MEGF11: variants seen among roughly 807,000 people sequenced by gnomAD.
MEGF11 encodes the protein multiple epidermal growth factor-like domains protein 11.
Under a neutral mutation model 146.6 loss-of-function variants are expected in MEGF11, and 126 were observed. The ratio of observed to expected loss-of-function variants is 0.86; its 90% CI spans 0.74 to 1.00. The LOEUF (loss-of-function observed/expected upper bound fraction) is 1.00. MEGF11 is among the 50% of genes least tolerant of loss of function. The pLI, the probability that MEGF11 is intolerant of heterozygous loss-of-function variation, is 0.00. For synonymous variants in MEGF11, 532 were observed against 583.4 expected, an observed-to-expected ratio of 0.91 and a Z score of 1.27; for missense variants, 1,509 against 1,521.2, an observed-to-expected ratio of 0.99 and a Z score of 0.13.
intron 5 of MEGF11, among the ~76,000 whole-genome samples, chr15:66,012,115 C>T (rs761014534): frequency 1.3e-5 from 2 of 151,818 alleles, no homozygotes; most frequent in Non-Finnish European, 2.9e-5. Flanking sequence ...GTAGTCCCAG[C>T]TACTTGGGAG....
intron 7 of MEGF11, among the ~76,000 whole-genome samples, chr15:65,974,745 A>T (rs930422690): frequency 6.6e-6 from 1 of 152,134 alleles, no homozygotes; most frequent in Non-Finnish European, 1.5e-5. Flanking sequence ...CTCTCAGTGC[A>T]CATTATAAGT....
chr15:66,033,562 G>T (rs1006992668), intron 5 of MEGF11, among the ~76,000 whole-genome samples: 1 of 152,192 alleles, frequency 6.6e-6, no homozygotes, highest in African/African-American at 2.4e-5. Context: ...GCACTGTGGG[G>T]TCATGGTGGC....
chr15:66,060,336 T>C (rs931991090), intron 5 of MEGF11, among the ~76,000 whole-genome samples: 12 of 151,990 alleles, frequency 7.9e-5, no homozygotes, highest in Middle Eastern at 3.4e-3. Context: ...TCCAATAAAA[T>C]CCCAAACTCC....
At position 66,144,766 on chromosome 15, in the gene MEGF11, T is replaced by C. The variant is rs1236709989; in HGVS notation, c.-8-16355A>G. 2.0e-5 allele frequency among the ~76,000 whole-genome samples: 3 copies of C among 152,210 alleles called. No homozygotes were observed. The East Asian group carries it at 5.8e-4, about 29-fold the overall frequency. ...GACTGTCAATGAACAAACCTTTACCTGCACCTCTGCAGGCAGGTGCCGTAG... is the reference window on the plus strand; with the variant it reads ...GACTGTCAATGAACAAACCTTTACCCGCACCTCTGCAGGCAGGTGCCGTAG... On this transcript the variant is annotated intron_variant, in intron 1 of 25. Coordinates refer to ENST00000395614, the MANE Select transcript of MEGF11 (RefSeq NM_001385028.1).
chr15:66,126,062 G>A (rs1238256751), intron 2 of MEGF11, among the ~76,000 whole-genome samples: 1 of 152,144 alleles, frequency 6.6e-6, no homozygotes, highest in Non-Finnish European at 1.5e-5. Flanking sequence ...TGCTAATGAG[G>A]GGCCAGATTA....
intron 1 of MEGF11, among the ~76,000 whole-genome samples, chr15:66,251,587 CT>C: frequency 6.6e-6 from 1 of 152,186 alleles, no homozygotes; most frequent in East Asian, 1.9e-4. Flanking sequence ...GGTCCTCTGC[CT>C]CTAACCTCAC....
chr15:66,032,170 G>A (rs140198925), intron 5 of MEGF11, among the ~76,000 whole-genome samples: 1 of 152,346 alleles, frequency 6.6e-6, no homozygotes, highest in East Asian at 1.9e-4. Flanking sequence ...AAAAAAGGCT[G>A]GGGATTGCTG....
intron 1 of MEGF11, among the ~76,000 whole-genome samples, chr15:66,237,644 T>C (rs1281674512): frequency 1.3e-5 from 2 of 152,136 alleles, no homozygotes; most frequent in African/African-American, 4.8e-5. Context: ...CCTGGAGTAG[T>C]TTGGGAGAAT....
intron 4 of MEGF11, among the ~76,000 whole-genome samples, chr15:66,118,451 T>A (rs1416852634): frequency 6.6e-6 from 1 of 152,184 alleles, no homozygotes; most frequent in African/African-American, 2.4e-5. Context: ...CACTAAGGCC[T>A]GCATTTTCTG....
chr15:66,063,288 C>CA (rs910360654), intron 5 of MEGF11, among the ~76,000 whole-genome samples: 10 of 152,154 alleles, frequency 6.6e-5, no homozygotes, highest in African/African-American at 2.4e-4. Context: ...TGATCTGACT[C>CA]ATGTTTTAGA....
chr15:65,902,756 G>T (rs7169298), intron 24 of MEGF11, among the ~76,000 whole-genome samples: 2,527 of 152,262 alleles, frequency 0.017, 73 homozygotes, highest in African/African-American at 0.056. Flanking sequence ...TAATGCCCTG[G>T]CATTTGGTCT....
chr15:65,899,051 G>T, intron 24 of MEGF11, 117 bp from the exon 25 acceptor site: 1 of 966,688 alleles, frequency 1.0e-6, no homozygotes, highest in Non-Finnish European at 1.5e-6. Flanking sequence ...GGAAAAGCCA[G>T]GATAATCCAA....
At chr15:66,029,544 A>G (rs551426270) in intron 5 of MEGF11, among the ~76,000 whole-genome samples, 2 of 152,318 alleles carry the variant, frequency 1.3e-5, no homozygotes, top group South Asian at 4.1e-4. Context: ...AAACCTCTTT[A>G]CAGCAGGAAA....
In MEGF11 at chr15:65,922,855, G is replaced by A. The variant is rs1313662702; in HGVS notation, c.1790C>T (p.Ala597Val). 6.2e-7 allele frequency: 1 copy of A among 1,613,734 alleles called. No homozygotes were observed. Among genetic ancestry groups the A allele is most frequent in the East Asian group, 2.2e-5 (1 of 44,862 alleles). Residue 597 changes from alanine (A) to valine (V), a missense_variant, in exon 14 of 26, where the codon GCC becomes GTC. By Grantham distance (64) the Ala-to-Val change is moderately conservative (BLOSUM62 0). Coordinates refer to ENST00000395614, the MANE Select transcript of MEGF11 (RefSeq NM_001385028.1). ...GCATAAGGGTCCTCGGAAGCCAGGGGCACACTCGCAGCTCCCATCCTCTGG... is the reference window on the plus strand; with the variant it reads ...GCATAAGGGTCCTCGGAAGCCAGGGACACACTCGCAGCTCCCATCCTCTGG... Reference protein sequence around the residue: ...CSPEDGSCECAPGFRGPLCQR... With the variant: ...CSPEDGSCECVPGFRGPLCQR...
chr15:66,148,704 C>T (rs535524223), intron 1 of MEGF11, among the ~76,000 whole-genome samples: 5 of 152,348 alleles, frequency 3.3e-5, no homozygotes, highest in African/African-American at 1.2e-4. Context: ...CCACATCTGT[C>T]CTGGCCCAGC....
chr15:66,243,426 C>G (rs2092248133), intron 1 of MEGF11, among the ~76,000 whole-genome samples: 1 of 152,256 alleles, frequency 6.6e-6, no homozygotes, highest in African/African-American at 2.4e-5. Context: ...GACCTCCAAC[C>G]TGCCAACCTG....
At chr15:66,190,402 G>T (rs1010316990) in intron 1 of MEGF11, among the ~76,000 whole-genome samples, 1 of 152,152 alleles carries the variant, frequency 6.6e-6, no homozygotes, top group East Asian at 1.9e-4. Flanking sequence ...CTAGAAGCCA[G>T]GTCCAAGGAA....
rs571955711 is a variant in MEGF11 at position 66,247,907 on chromosome 15, G to A, written c.-9+5698C>T. Among the ~76,000 whole-genome samples the A allele has an allele frequency of 4.0e-5, 6 of 151,114 alleles. No homozygotes were observed. The East Asian group carries it at 7.8e-4, about 20-fold the overall frequency. On this transcript the variant is annotated intron_variant, in intron 1 of 25. Coordinates refer to ENST00000395614, the MANE Select transcript of MEGF11 (RefSeq NM_001385028.1). ...CAAAATTAGCCAGGCATGGTGGCGC[G>A]TGCCTGTAATCCAGCCACTCGGGAG...
intron 19 of MEGF11, 109 bp from the exon 20 acceptor site, chr15:65,914,082 C>A: frequency 1.2e-6 from 1 of 838,820 alleles, no homozygotes; most frequent in Admixed American, 2.3e-5. Flanking sequence ...AGATCTGGTT[C>A]TGGCTTTGGC....
Sources: allele counts gnomAD v4.1 joint callset (sites outside exome capture counted in the v4.1 genomes callset), GRCh38; gene constraint gnomAD v4.1.1; transcripts MANE v1.5; gene names NCBI Gene and HGNC (gene_info 2026-07-23, HGNC 2026-07-21).